The following RAD51B variants were observed in gnomAD, a reference collection of about 807,000 sequenced individuals.
The protein encoded by RAD51B is DNA repair protein RAD51 homolog 2.
Under a neutral mutation model 42.2 loss-of-function variants are expected in RAD51B, and 38 were observed. The observed-to-expected ratio is 0.90, with a 90% CI of 0.70 to 1.18. The LOEUF is 1.18. Among genes scored for constraint, RAD51B ranks in the 50% most tolerant of loss-of-function variants. The pLI is 0.00. For missense variants in RAD51B, 373 were observed against 400.7 expected (o/e 0.93, Z 0.59); for synonymous variants, 154 against 145.2 (o/e 1.06, Z -0.43).
chr14:68,326,027 C>CTTTTTTTTTTTT (rs1156621815), intron 8 of RAD51B, among the ~76,000 whole-genome samples: 1 of 51,636 alleles, frequency 1.9e-5, no homozygotes, highest in African/African-American at 5.9e-5. Flanking sequence ...TGTTGTTATT[C>CTTTTTTTTTTTT]TTTTTCTTTT....
At chr14:68,472,456 G>C (rs2086150324) in intron 10 of RAD51B, among the ~76,000 whole-genome samples, 1 of 152,150 alleles carries the variant, frequency 6.6e-6, no homozygotes, top group African/African-American at 2.4e-5. Flanking sequence ...TGGTGAAACA[G>C]AACCTAAGGA....
chr14:68,505,741 T>C (rs1018188111), intron 10 of RAD51B, among the ~76,000 whole-genome samples: 3 of 151,966 alleles, frequency 2.0e-5, no homozygotes, highest in African/African-American at 7.3e-5. Context: ...TTAATAGAGA[T>C]GGGGTTTCAC....
chr14:68,294,177 G>A (rs2081569406), intron 8 of RAD51B, among the ~76,000 whole-genome samples: 1 of 152,158 alleles, frequency 6.6e-6, no homozygotes, highest in Non-Finnish European at 1.5e-5. Flanking sequence ...AAAAGAAATT[G>A]CTTCAGGGTT....
rs2076437670 is a variant in RAD51B, at chr14:68,054,189, G to GT, written c.756+166986dup. Among the ~76,000 whole-genome samples the GT allele has an allele frequency of 2.0e-5, 3 of 152,112 alleles. No individual in the cohort carries two copies. The South Asian group carries it at 6.2e-4, about 32-fold the overall frequency. On this transcript the variant is annotated intron_variant, in intron 7 of 10. Transcript: ENST00000471583. ...TATTTGGGTTTTTCCAGTTGTTCCA[G>GT]TAATGGCCTTTATAACAAGTTAAAA...
chr14:67,939,505 A>G (rs1231627844), intron 7 of RAD51B, among the ~76,000 whole-genome samples: 1 of 152,228 alleles, frequency 6.6e-6, no homozygotes, highest in Non-Finnish European at 1.5e-5. Context: ...AAAAATGCAC[A>G]ATTCAGAATA....
chr14:68,224,207 T>A (rs935298928), intron 7 of RAD51B, among the ~76,000 whole-genome samples: 1 of 152,256 alleles, frequency 6.6e-6, no homozygotes, highest in Non-Finnish European at 1.5e-5. Context: ...GCCTGTTTTG[T>A]TTGTTACTTG....
chr14:68,645,884 T>C (rs770662085), intron 10 of RAD51B, among the ~76,000 whole-genome samples: 3 of 151,930 alleles, frequency 2.0e-5, no homozygotes, highest in Non-Finnish European at 4.4e-5. Flanking sequence ...TTCTGCTGCA[T>C]TTTTGGTTAT....
chr14:68,242,673 A>G (rs1008504229), intron 7 of RAD51B, among the ~76,000 whole-genome samples: 4 of 152,212 alleles, frequency 2.6e-5, no homozygotes, highest in African/African-American at 9.7e-5. Context: ...TATAGCCACA[A>G]TTTACTGAGC....
At chr14:68,048,255 G>A (rs892648864) in intron 7 of RAD51B, among the ~76,000 whole-genome samples, 2 of 152,140 alleles carry the variant, frequency 1.3e-5, no homozygotes, top group African/African-American at 4.8e-5. Flanking sequence ...AGAAATGTCT[G>A]TTCATATCCT....
chr14:68,009,350 G>C (rs2075646204), intron 7 of RAD51B, among the ~76,000 whole-genome samples: 1 of 151,840 alleles, frequency 6.6e-6, no homozygotes, highest in South Asian at 2.1e-4. Context: ...TAATTTATCA[G>C]TTTGTATTTA....
intron 11 of RAD51B, chr14:68,682,881 T>G: frequency 1.1e-6 from 1 of 927,180 alleles, no homozygotes; most frequent in Non-Finnish European, 1.3e-6. Flanking sequence ...AAGGCTTTTT[T>G]TTTTTTAATA....
chr14:68,351,364 TCCTC>T (rs1263706721), intron 8 of RAD51B, among the ~76,000 whole-genome samples: 2 of 152,170 alleles, frequency 1.3e-5, no homozygotes, highest in Non-Finnish European at 2.9e-5. Context: ...TGGGAATAAT[TCCTC>T]TCTCTCTCTT....
chr14:68,594,108 T>C (rs368589230), intron 10 of RAD51B, among the ~76,000 whole-genome samples: 2 of 152,192 alleles, frequency 1.3e-5, no homozygotes, highest in East Asian at 3.9e-4. Flanking sequence ...GGCAGTCTTG[T>C]GATTCCCCCA....
intron 10 of RAD51B, among the ~76,000 whole-genome samples, chr14:68,634,964 G>C (rs983651028): frequency 1.3e-5 from 2 of 152,162 alleles, no homozygotes; most frequent in Non-Finnish European, 2.9e-5. Context: ...TCAAGAAATG[G>C]AACTATGATG....
At chr14:68,589,512 T>A (rs573623929) in intron 10 of RAD51B, among the ~76,000 whole-genome samples, 34 of 152,144 alleles carry the variant, frequency 2.2e-4, no homozygotes, top group Non-Finnish European at 4.3e-4. Flanking sequence ...CCTGGGAACG[T>A]CTCTTCCTCC....
chr14:68,549,023 A>C lies in RAD51B; in HGVS notation c.1037-45462A>C, dbSNP rs75962514. 3.8e-3 allele frequency among the ~76,000 whole-genome samples: 578 copies of C among 152,252 alleles called. 32 individuals carry two copies. The East Asian group carries it at 0.092, about 24-fold the overall frequency. ...CCCCTGAGTGGGTAGGGGTGTATTCAGATCCCCAGGGAGTGACTGTGAGGC... is the reference window on the plus strand; with the variant it reads ...CCCCTGAGTGGGTAGGGGTGTATTCCGATCCCCAGGGAGTGACTGTGAGGC... On this transcript the variant is annotated intron_variant, in intron 10 of 10. Transcript: ENST00000487270.
intron 7 of RAD51B, among the ~76,000 whole-genome samples, chr14:68,026,599 A>G (rs750969600): frequency 5.3e-5 from 8 of 151,846 alleles, no homozygotes; most frequent in Admixed American, 1.3e-4. Flanking sequence ...TCATTATGTA[A>G]TGCCCTTCTT....
intron 10 of RAD51B, among the ~76,000 whole-genome samples, chr14:68,494,086 G>A (rs1367130170): frequency 6.6e-6 from 1 of 152,010 alleles, no homozygotes; most frequent in Non-Finnish European, 1.5e-5. Flanking sequence ...GACCAGCCTG[G>A]CCAACATGGT....
intron 8 of RAD51B, among the ~76,000 whole-genome samples, chr14:68,393,621 T>C (rs1253719190): frequency 6.6e-6 from 1 of 152,166 alleles, no homozygotes; most frequent in Non-Finnish European, 1.5e-5. Context: ...TTTATCATGG[T>C]TGATCTTTTT....
Sources: allele counts gnomAD v4.1 joint callset (sites outside exome capture counted in the v4.1 genomes callset), GRCh38; gene constraint gnomAD v4.1.1; transcripts MANE v1.5; gene names NCBI Gene and HGNC (gene_info 2026-07-23, HGNC 2026-07-21).